The following MARCHF1 variants were observed in gnomAD, a reference collection of about 807,000 sequenced individuals.
The protein encoded by MARCHF1 is E3 ubiquitin-protein ligase MARCHF1.
In MARCHF1, 40 loss-of-function variants were observed where a neutral mutation model predicts 54.2. The observed-to-expected ratio is 0.74, with a 90% CI of 0.57 to 0.96. MARCHF1 has a LOEUF of 0.96. Ranked by LOEUF, MARCHF1 falls within the 40% of genes least tolerant of loss-of-function variation. The pLI, the probability that MARCHF1 is intolerant of heterozygous loss-of-function variation, is 0.00. For synonymous variants in MARCHF1, 236 were observed against 236.3 expected (o/e 1.00, Z 0.01); for missense variants, 586 against 656.5 (o/e 0.89, Z 1.17).
At chr4:163,901,127 A>G (rs1212532788) in intron 3 of MARCHF1, among the ~76,000 whole-genome samples, 1 of 152,200 alleles carries the variant, frequency 6.6e-6, no homozygotes, top group Non-Finnish European at 1.5e-5. Flanking sequence ...AGAGTAGTAA[A>G]GAGACAATCT....
intron 5 of MARCHF1, among the ~76,000 whole-genome samples, chr4:163,681,743 A>T (rs533158216): frequency 2.6e-5 from 4 of 152,176 alleles, no homozygotes; most frequent in African/African-American, 9.6e-5. Flanking sequence ...AGTCAATTAA[A>T]CCTCTTTCCT....
intron 5 of MARCHF1, among the ~76,000 whole-genome samples, chr4:163,674,827 A>T (rs1743858071): frequency 6.6e-6 from 1 of 152,248 alleles, no homozygotes; most frequent in Non-Finnish European, 1.5e-5. Context: ...AACTTAAATC[A>T]GATAATTGGT....
chr4:164,262,101 T>A (rs1411417258), intron 1 of MARCHF1, among the ~76,000 whole-genome samples: 2 of 127,322 alleles, frequency 1.6e-5, no homozygotes, highest in African/African-American at 6.4e-5. Flanking sequence ...CTAGTCCCTA[T>A]CTTAAGAAAA....
At chr4:163,827,327 CAA>C (rs1242684571) in intron 4 of MARCHF1, among the ~76,000 whole-genome samples, 1 of 151,976 alleles carries the variant, frequency 6.6e-6, no homozygotes, top group African/African-American at 2.4e-5. Context: ...CGAACCATTT[CAA>C]AGACTGAAGT....
intron 2 of MARCHF1, among the ~76,000 whole-genome samples, chr4:164,047,784 T>A (rs1193292421): frequency 6.6e-6 from 1 of 152,214 alleles, no homozygotes; most frequent in Admixed American, 6.6e-5. Context: ...GCATGTAGGC[T>A]TAAAGAAATT....
intron 1 of MARCHF1, among the ~76,000 whole-genome samples, chr4:164,138,924 C>T (rs1327173078): frequency 1.3e-5 from 2 of 152,114 alleles, no homozygotes; most frequent in Non-Finnish European, 2.9e-5. Flanking sequence ...TGGACACAGC[C>T]ACCACAAAAT....
At chr4:164,097,896 G>A (rs989079280) in intron 2 of MARCHF1, among the ~76,000 whole-genome samples, 8 of 152,126 alleles carry the variant, frequency 5.3e-5, no homozygotes, top group East Asian at 1.9e-4. Flanking sequence ...CATACTCATC[G>A]CAGTTTATCT....
At chr4:163,652,830 C>T (rs1437963972) in intron 5 of MARCHF1, among the ~76,000 whole-genome samples, 1 of 151,782 alleles carries the variant, frequency 6.6e-6, no homozygotes, top group African/African-American at 2.4e-5. Flanking sequence ...CAGTTGCCTG[C>T]CTGAAGTCCA....
At chr4:163,954,931 A>G (rs933075364) in intron 3 of MARCHF1, among the ~76,000 whole-genome samples, 5 of 152,078 alleles carry the variant, frequency 3.3e-5, no homozygotes, top group African/African-American at 1.2e-4. Flanking sequence ...AGACTGTTTG[A>G]AATTTTTAAA....
At chr4:164,291,550 T>G (rs891090624) in intron 1 of MARCHF1, among the ~76,000 whole-genome samples, 1 of 151,984 alleles carries the variant, frequency 6.6e-6, no homozygotes, top group Admixed American at 6.6e-5. Context: ...ATTTGATTAT[T>G]TCATCATTGT....
chr4:164,369,161 A>C (rs2110950754), intron 1 of MARCHF1, among the ~76,000 whole-genome samples: 1 of 152,298 alleles, frequency 6.6e-6, no homozygotes, highest in South Asian at 2.1e-4. Context: ...CAGCTGAGAC[A>C]GACCCAGACA....
chr4:163,565,541 C>G (rs1345808587), intron 8 of MARCHF1, among the ~76,000 whole-genome samples: 1 of 152,124 alleles, frequency 6.6e-6, no homozygotes, highest in Non-Finnish European at 1.5e-5. Context: ...AATCCCACAG[C>G]AAGGCAGTGT....
At chr4:163,885,411 G>A (rs1216286583) in intron 3 of MARCHF1, among the ~76,000 whole-genome samples, 1 of 152,010 alleles carries the variant, frequency 6.6e-6, no homozygotes, top group Non-Finnish European at 1.5e-5. Flanking sequence ...AAAAAATAAA[G>A]TAATACAAGG....
At chr4:163,593,055 T>C (rs1300733528) in intron 7 of MARCHF1, among the ~76,000 whole-genome samples, 2 of 152,110 alleles carry the variant, frequency 1.3e-5, no homozygotes, top group African/African-American at 2.4e-5. Context: ...TCTATACTCA[T>C]TGGTTAGCTC....
intron 3 of MARCHF1, among the ~76,000 whole-genome samples, chr4:163,947,196 A>T (rs866182940): frequency 1.2e-4 from 19 of 152,212 alleles, no homozygotes; most frequent in Admixed American, 1.2e-3. Flanking sequence ...TTTATATGAT[A>T]ATAACTCAGT....
At chr4:163,878,944 C>T (rs1750354606) in intron 3 of MARCHF1, among the ~76,000 whole-genome samples, 1 of 152,088 alleles carries the variant, frequency 6.6e-6, no homozygotes, top group South Asian at 2.1e-4. Flanking sequence ...TTGTGAAGCA[C>T]TGAGTAATAC....
chr4:163,699,411 T>C (rs1579206518), intron 5 of MARCHF1, among the ~76,000 whole-genome samples: 1 of 152,216 alleles, frequency 6.6e-6, no homozygotes, highest in South Asian at 2.1e-4. Context: ...GCAGATGTTA[T>C]CTGACCATTG....
chr4:163,828,130 A>T (rs1009019280), intron 4 of MARCHF1, among the ~76,000 whole-genome samples: 1 of 151,706 alleles, frequency 6.6e-6, no homozygotes, highest in Admixed American at 6.6e-5. Context: ...CTTTTGGTTT[A>T]CTTTAAAAAT....
chr4:163,668,432 C>T (rs374985116), intron 5 of MARCHF1, among the ~76,000 whole-genome samples: 10 of 152,082 alleles, frequency 6.6e-5, no homozygotes, highest in South Asian at 2.1e-4. Context: ...TCAATAGGAT[C>T]GTTGCACATA....
Sources: gnomAD v4.1 joint callset for allele counts (sites outside exome capture counted in the v4.1 genomes callset) on GRCh38, gnomAD v4.1.1 for gene constraint, MANE v1.5 for transcripts, NCBI Gene and HGNC (gene_info 2026-07-23, HGNC 2026-07-21) for gene names.